The following NDUFA10 variants were observed in gnomAD, a reference collection of about 807,000 sequenced individuals.
The protein encoded by NDUFA10 is NADH dehydrogenase [ubiquinone] 1 alpha subcomplex subunit 10, mitochondrial.
NDUFA10 carries 40 observed loss-of-function variants against 47.8 expected under a neutral mutation model. The observed-to-expected ratio is 0.84, with a 90% CI of 0.65 to 1.09. The LOEUF is 1.09. Ranked by LOEUF, NDUFA10 falls within the 50% of genes least tolerant of loss-of-function variation. NDUFA10 has a pLI of 0.00. For synonymous variants in NDUFA10, 183 were observed against 172.2 expected, an observed-to-expected ratio of 1.06 and a Z score of -0.49; for missense variants, 413 against 451.1, an observed-to-expected ratio of 0.92 and a Z score of 0.76.
intron 8 of NDUFA10, among the ~76,000 whole-genome samples, chr2:239,991,273 C>T (rs532633533): frequency 6.6e-6 from 1 of 152,258 alleles, no homozygotes; most frequent in African/African-American, 2.4e-5. Context: ...GCGTCAGGAG[C>T]GTCCTAGTAA....
chr2:239,953,190 G>T (rs1227370004), downstream of NDUFA10, among the ~76,000 whole-genome samples: 1 of 152,206 alleles, frequency 6.6e-6, no homozygotes, highest in African/African-American at 2.4e-5. Flanking sequence ...CATCACAGGG[G>T]TTCTTGCACA....
chr2:240,008,683 T>C (rs1697033291), intron 6 of NDUFA10, among the ~76,000 whole-genome samples: 1 of 152,268 alleles, frequency 6.6e-6, no homozygotes, highest in African/African-American at 2.4e-5. Context: ...ATCAGGACGA[T>C]GTGACAGTTT....
At chr2:239,941,425 G>A (rs760744773) in intron 4 of NDUFA10, among the ~76,000 whole-genome samples, 17 of 152,032 alleles carry the variant, frequency 1.1e-4, no homozygotes, top group Non-Finnish European at 2.4e-4. Context: ...TTCCTTCCTC[G>A]ACATCAAAAC....
At position 239,987,344 on chromosome 2, in the gene NDUFA10, G is replaced by A. The variant is rs144141767; in HGVS notation, c.999+2730C>T. 4.7e-4 allele frequency among the ~76,000 whole-genome samples: 72 copies of A among 151,962 alleles called. No homozygotes were observed. Among genetic ancestry groups the A allele is most frequent in the African/African-American group, 1.5e-3 (64 of 41,428 alleles). On this transcript the variant is annotated intron_variant, in intron 9 of 9. Coordinates refer to ENST00000252711, the MANE Select transcript of NDUFA10 (RefSeq NM_004544.4). This position sits in a 1 kb window ranked among gnomAD's most constrained non-coding sequence, Gnocchi z 4.8. ...TGTGCATCGACAGGAGGACTCGCTCGAATGCGTGTCTGGGCCCCATCCCCT... is the reference window on the plus strand; with the variant it reads ...TGTGCATCGACAGGAGGACTCGCTCAAATGCGTGTCTGGGCCCCATCCCCT...
chr2:239,931,684 G>T (rs1364121658), intron 4 of NDUFA10, among the ~76,000 whole-genome samples: 2 of 152,232 alleles, frequency 1.3e-5, no homozygotes, highest in East Asian at 1.9e-4. Context: ...AGATGAGAAG[G>T]CTGGCCCACA....
chr2:239,923,699 C>A, intron 4 of NDUFA10, among the ~76,000 whole-genome samples: 1 of 149,726 alleles, frequency 6.7e-6, no homozygotes, highest in Non-Finnish European at 1.5e-5. Flanking sequence ...CACAAATAAG[C>A]TAGGAAAAAG....
chr2:239,967,977 T>C (rs4854066), intron 9 of NDUFA10, among the ~76,000 whole-genome samples: 12 of 139,546 alleles, frequency 8.6e-5, no homozygotes, highest in East Asian at 6.3e-4. Context: ...AGGAAAAAAA[T>C]ATACACACAC....
At chr2:239,985,890 G>A (rs1472314808) in intron 9 of NDUFA10, among the ~76,000 whole-genome samples, 10 of 140,126 alleles carry the variant, frequency 7.1e-5, no homozygotes, top group African/African-American at 2.6e-4. Flanking sequence ...CAGCCTGGGT[G>A]ACAAGAGTGA....
At chr2:240,003,460 C>T (rs1222939127) in intron 8 of NDUFA10, among the ~76,000 whole-genome samples, 1 of 152,224 alleles carries the variant, frequency 6.6e-6, no homozygotes, top group Non-Finnish European at 1.5e-5. Context: ...CTGCACAGAG[C>T]ATCCTGGGTA....
chr2:240,022,471 T>C (rs1697663631), intron 1 of NDUFA10, 131 bp from the exon 2 acceptor site: 1 of 1,361,596 alleles, frequency 7.3e-7, no homozygotes, highest in Admixed American at 2.0e-5. Flanking sequence ...CTTTATTGCC[T>C]ATTAATTTGT....
intron 5 of NDUFA10, chr2:240,014,480 A>G (rs765630340): frequency 9.4e-5 from 47 of 497,736 alleles, no homozygotes; most frequent in Non-Finnish European, 1.5e-4. Context: ...CCAAGTTTAA[A>G]CAGCTGAGGG....
At chr2:239,982,864 G>A (rs1048937654) in intron 9 of NDUFA10, among the ~76,000 whole-genome samples, 10 of 152,196 alleles carry the variant, frequency 6.6e-5, no homozygotes, top group African/African-American at 2.2e-4. Context: ...TGTTTTTTCC[G>A]CTCAGCATCT....
intron 4 of NDUFA10, among the ~76,000 whole-genome samples, chr2:239,904,343 G>A (rs1420279796): frequency 6.6e-6 from 1 of 152,122 alleles, no homozygotes; most frequent in African/African-American, 2.4e-5. Flanking sequence ...TGTCACCCAG[G>A]TTGGAGTATA....
intron 8 of NDUFA10, among the ~76,000 whole-genome samples, chr2:240,001,769 C>T (rs1206065943): frequency 3.3e-5 from 5 of 152,252 alleles, no homozygotes; most frequent in African/African-American, 1.2e-4. Flanking sequence ...CACACACTGA[C>T]TTTGCAACAA....
chr2:240,010,359 C>T (rs1441871746), intron 6 of NDUFA10, among the ~76,000 whole-genome samples: 1 of 152,062 alleles, frequency 6.6e-6, no homozygotes, highest in African/African-American at 2.4e-5. Flanking sequence ...AAACTCTTGC[C>T]CTGTGCACAG....
At chr2:239,983,601 C>T (rs200786304) in intron 9 of NDUFA10, 92 of 1,592,140 alleles carry the variant, frequency 5.8e-5, no homozygotes, top group Admixed American at 2.5e-4. Context: ...CCAGCAAGCA[C>T]GACCTCAGCC....
intron 4 of NDUFA10, among the ~76,000 whole-genome samples, chr2:239,930,438 G>A (rs985381029): frequency 6.6e-6 from 1 of 151,766 alleles, no homozygotes; most frequent in African/African-American, 2.4e-5. Flanking sequence ...CATGGATCCC[G>A]TCCTGATCGC....
rs577197198 is a variant in NDUFA10 at position 239,969,014 on chromosome 2, C to T, written c.1000-7828G>A. 3.9e-5 allele frequency among the ~76,000 whole-genome samples: 6 copies of T among 152,304 alleles called. No individual in the cohort carries two copies. The South Asian group carries it at 1.2e-3, about 32-fold the overall frequency. On this transcript the variant is annotated intron_variant, in intron 9 of 9. Coordinates refer to ENST00000252711, the MANE Select transcript of NDUFA10 (RefSeq NM_004544.4). ...CACTGACTTGCAAGTACCTTAACTGCTGTCAGAAAAAAAGTTCTAACACAG... is the reference window on the plus strand; with the variant it reads ...CACTGACTTGCAAGTACCTTAACTGTTGTCAGAAAAAAAGTTCTAACACAG...
At chr2:239,956,932 G>T (rs1221499945), downstream of NDUFA10, among the ~76,000 whole-genome samples, 2 of 152,126 alleles carry the variant, frequency 1.3e-5, no homozygotes, top group Non-Finnish European at 2.9e-5. Flanking sequence ...GTCACTGCAG[G>T]TCCTCCTCTC....
Sources: gnomAD v4.1 joint callset for allele counts (sites outside exome capture counted in the v4.1 genomes callset) on GRCh38, gnomAD v4.1.1 for gene constraint, Gnocchi (gnomAD v3.1) non-coding constraint, MANE v1.5 for transcripts, NCBI Gene and HGNC (gene_info 2026-07-23, HGNC 2026-07-21) for gene names.